OTOGL: variants seen among roughly 807,000 people sequenced by gnomAD.
The protein encoded by OTOGL is otogelin like, also known as otogelin-like protein.
OTOGL carries 285 observed loss-of-function variants against 318.5 expected under a neutral mutation model. The ratio of observed to expected loss-of-function variants is 0.89; its 90% CI spans 0.81 to 0.99. The LOEUF is 0.99. Among genes scored for constraint, OTOGL ranks in the 50% least tolerant of loss-of-function variants. OTOGL has a pLI of 0.00. For synonymous variants in OTOGL, 987 were observed against 936.5 expected (o/e 1.05, Z -0.99); for missense variants, 2,899 against 2,845.6 (o/e 1.02, Z -0.43).
At chr12:80,238,548 C>T (rs1022438137) in intron 9 of OTOGL, among the ~76,000 whole-genome samples, 25 of 152,144 alleles carry the variant, frequency 1.6e-4, no homozygotes, top group African/African-American at 5.1e-4. Flanking sequence ...TGAACATTGG[C>T]GATAAATGCT....
At position 80,313,488 on chromosome 12, in the gene OTOGL, T is replaced by G. The variant is rs770303088; in HGVS notation, c.3463T>G (p.Ser1155Ala). The G allele has an allele frequency of 6.2e-7, 1 of 1,610,760 alleles. No homozygotes were observed. Among genetic ancestry groups the G allele is most frequent in the Non-Finnish European group, 8.5e-7 (1 of 1,177,292 alleles). The change falls in exon 31 of 59, where the codon TCT becomes GCT. Residue 1155 changes from serine (S) to alanine (A), a missense_variant. By Grantham distance (99) the Ser-to-Ala change is moderately conservative (BLOSUM62 1). Coordinates refer to ENST00000547103, the MANE Select transcript of OTOGL (RefSeq NM_001378609.3). ...ASCRNVIDVT[S>A]FAKNCHEDTC... ...CCTCATTTTTCAGATTGACGTTACTTCTTTTGCCAAAAATTGTCATGAAGA... is the reference window on the plus strand; with the variant it reads ...CCTCATTTTTCAGATTGACGTTACTGCTTTTGCCAAAAATTGTCATGAAGA...
intron 1 of OTOGL, among the ~76,000 whole-genome samples, chr12:80,104,617 G>C (rs574830905): frequency 2.1e-4 from 32 of 152,072 alleles, no homozygotes; most frequent in Non-Finnish European, 4.0e-4. Context: ...AGCATGTCAG[G>C]GGGGTGAGAG....
Position 80,378,033 on chromosome 12 carries a change from G to C in OTOGL, c.7047G>C (p.Thr2349=), listed in dbSNP as rs2717477. The change falls in exon 59 of 59, where the codon ACG becomes ACC. Residue 2349 remains threonine, a synonymous_variant. Transcript: ENST00000547103. ...MYTLQEPIDC[T]CQWN is the part of the protein sequence containing the mutation. ...CTCTCCAGGAACCCATAGACTGTAC[G>C]TGCCAGTGGAATTAAACCCTTGGGT... 6.3e-7 allele frequency: 1 copy of C among 1,578,044 alleles called. No individual in the cohort carries two copies.
chr12:80,234,776 G>A (rs537799081), intron 9 of OTOGL, among the ~76,000 whole-genome samples: 91 of 152,228 alleles, frequency 6.0e-4, no homozygotes, highest in Non-Finnish European at 9.6e-4. Context: ...ATAATGCATC[G>A]TCAGGATTAG....
chr12:80,315,883 T>G (rs1426540433), intron 32 of OTOGL, among the ~76,000 whole-genome samples: 1 of 152,112 alleles, frequency 6.6e-6, no homozygotes, highest in African/African-American at 2.4e-5. Flanking sequence ...CGTGCATGCA[T>G]ACACGCACAC....
intron 1 of OTOGL, among the ~76,000 whole-genome samples, chr12:80,134,437 GT>G (rs1335987267): frequency 2.0e-5 from 3 of 152,172 alleles, no homozygotes; most frequent in Non-Finnish European, 2.9e-5. Context: ...CTGAATTATG[GT>G]TTTTAAGTAG....
At chr12:80,336,643 G>A (rs1045776464) in intron 40 of OTOGL, 88 bp downstream of exon 40, 2 of 1,472,946 alleles carry the variant, frequency 1.4e-6, no homozygotes, top group Non-Finnish European at 1.9e-6. Context: ...CAGGAGGAGG[G>A]AGCTCAAGAA....
chr12:80,322,343 AG>A (rs1592706232), intron 34 of OTOGL, among the ~76,000 whole-genome samples: 1 of 152,146 alleles, frequency 6.6e-6, no homozygotes, highest in Non-Finnish European at 1.5e-5. Context: ...CAGACCTAGT[AG>A]CCCCATTTGA....
At chr12:80,184,963 T>C (rs1030874899) in intron 1 of OTOGL, among the ~76,000 whole-genome samples, 4 of 152,228 alleles carry the variant, frequency 2.6e-5, no homozygotes, top group Admixed American at 6.5e-5. Flanking sequence ...TCTGCCTTGA[T>C]GTGTAGGGGT....
chr12:80,290,225 TCTCTAACCAGTCC>T (rs1301910523), intron 26 of OTOGL, among the ~76,000 whole-genome samples: 1 of 151,818 alleles, frequency 6.6e-6, no homozygotes, highest in Non-Finnish European at 1.5e-5. Flanking sequence ...CTGCACCCAC[TCTCTAACCAGTCC>T]TAGAGAGATG....
chr12:80,332,115 GCTT>G (rs767419372), intron 37 of OTOGL, among the ~76,000 whole-genome samples: 4 of 152,058 alleles, frequency 2.6e-5, no homozygotes, highest in Non-Finnish European at 5.9e-5. Context: ...TGATTTTAGG[GCTT>G]CTTTTGTTTA....
At chr12:80,328,879 A>G (rs1249095342) in intron 36 of OTOGL, 135 bp downstream of exon 36, 5 of 1,048,958 alleles carry the variant, frequency 4.8e-6, no homozygotes, top group Admixed American at 2.6e-5. Context: ...TGTCTCTTAC[A>G]TAGCTTTTTT....
intron 1 of OTOGL, among the ~76,000 whole-genome samples, chr12:80,148,200 C>A (rs1383205070): frequency 1.3e-5 from 2 of 151,050 alleles, no homozygotes; most frequent in South Asian, 4.3e-4. Flanking sequence ...ACCGGTTGTT[C>A]CTGTCCACAT....
intron 52 of OTOGL, among the ~76,000 whole-genome samples, chr12:80,364,740 T>G (rs1236989636): frequency 2.0e-5 from 3 of 152,114 alleles, no homozygotes; most frequent in African/African-American, 7.2e-5. Context: ...GCTGCATGTG[T>G]CACTACTTCA....
intron 8 of OTOGL, among the ~76,000 whole-genome samples, chr12:80,231,946 A>C (rs756381919): frequency 6.6e-6 from 1 of 151,996 alleles, no homozygotes; most frequent in African/African-American, 2.4e-5. Context: ...TGACATGACT[A>C]TCTTAATAGA....
Position 80,295,157 on chromosome 12 carries a change from C to CT in OTOGL, c.2929-1641dup, listed in dbSNP as rs66786755. 1.0e-2 allele frequency among the ~76,000 whole-genome samples: 985 copies of CT among 98,878 alleles called. 45 individuals are homozygous for CT. The highest frequency in any genetic ancestry group is 0.023 in the African/African-American group (484 of 20,596). The allele number at this position is 98,878 out of a possible 152,430, so 64.9% of individuals were successfully genotyped here. ...AAACACAAACTGTATGATTGCCGAA[C>CT]TTTTTTTTTTTTTTTTTTTTTTTTT... On this transcript the variant is annotated intron_variant, in intron 26 of 58. Transcript: ENST00000547103.
chr12:80,212,539 G>A (rs76906037), intron 4 of OTOGL, among the ~76,000 whole-genome samples: 4 of 152,154 alleles, frequency 2.6e-5, no homozygotes, highest in Non-Finnish European at 5.9e-5. Flanking sequence ...CTTCTTGCCC[G>A]GGTGCCTTTA....
At chr12:80,123,967 A>C (rs1870647438) in intron 1 of OTOGL, among the ~76,000 whole-genome samples, 1 of 151,930 alleles carries the variant, frequency 6.6e-6, no homozygotes, top group Admixed American at 6.6e-5. Context: ...GATTGCAAAA[A>C]TTTTCTCCCA....
intron 26 of OTOGL, among the ~76,000 whole-genome samples, chr12:80,288,756 G>T (rs184902442): frequency 2.0e-5 from 3 of 151,902 alleles, no homozygotes; most frequent in Non-Finnish European, 2.9e-5. Context: ...GGTCATTTAT[G>T]TTCTTCTCTA....
Sources: allele counts gnomAD v4.1 joint callset (sites outside exome capture counted in the v4.1 genomes callset), GRCh38; gene constraint gnomAD v4.1.1; transcripts MANE v1.5; gene names NCBI Gene and HGNC (gene_info 2026-07-23, HGNC 2026-07-21).